CLEC16A: variants seen among roughly 807,000 people sequenced by gnomAD.
CLEC16A encodes C-type lectin domain containing 16A.
In CLEC16A, 51 loss-of-function variants were observed where a neutral mutation model predicts 109.5. That is an observed-to-expected ratio of 0.47 (90% CI 0.37 to 0.59). The LOEUF (loss-of-function observed/expected upper bound fraction) is 0.59. Ranked by LOEUF, CLEC16A falls within the 20% of genes least tolerant of loss-of-function variation. The pLI is 0.00. For synonymous variants in CLEC16A, 673 were observed against 564.2 expected (o/e 1.19, Z -2.73); for missense variants, 1,339 against 1,394.0 (o/e 0.96, Z 0.63).
chr16:11,125,916 AATT>A, intron 21 of CLEC16A, 60 bp from the exon 22 acceptor site: 2 of 168,796 alleles, frequency 1.2e-5, no homozygotes, highest in Admixed American at 6.6e-5. Context: ...CCCCCCCCCA[AATT>A]CTCACCACCC....
intron 21 of CLEC16A, 119 bp from the exon 22 acceptor site, chr16:11,125,860 G>T: frequency 1.0e-6 from 1 of 966,818 alleles, no homozygotes. Context: ...CCCACTTGGC[G>T]TCTCCCAAGT....
intron 19 of CLEC16A, among the ~76,000 whole-genome samples, chr16:11,099,206 G>A (rs965022317): frequency 6.6e-6 from 1 of 152,226 alleles, no homozygotes; most frequent in African/African-American, 2.4e-5. Flanking sequence ...GCCAGGACAG[G>A]TCATTCTCAT....
rs150708037 is a variant in CLEC16A at position 11,073,963 on chromosome 16, T to C, written c.2116+12941T>C. Among the ~76,000 whole-genome samples the C allele has an allele frequency of 4.6e-4, 70 of 152,354 alleles. 1 individual carries two copies. In the East Asian group the frequency reaches 7.7e-3, roughly 17 times the overall value. On this transcript the variant is annotated intron_variant, in intron 19 of 23. Coordinates refer to ENST00000409790, the MANE Select transcript of CLEC16A (RefSeq NM_015226.3). ...TTGTGAGTTAGAAAAATGATGTTTG[T>C]TCATCATTAACATACATTTGAATAG...
At chr16:11,164,701 C>G (rs1166031993) in intron 22 of CLEC16A, among the ~76,000 whole-genome samples, 1 of 152,222 alleles carries the variant, frequency 6.6e-6, no homozygotes, top group East Asian at 1.9e-4. Flanking sequence ...TGCCGCTGAT[C>G]GAGAAAGCAG....
chr16:11,044,237 C>T, intron 16 of CLEC16A, 165 bp downstream of exon 16: 1 of 496,420 alleles, frequency 2.0e-6, no homozygotes, highest in Non-Finnish European at 3.2e-6. Flanking sequence ...GTAGCAATAT[C>T]TAAACTTTTC....
chr16:11,030,975 G>C (rs188055644), intron 13 of CLEC16A, among the ~76,000 whole-genome samples: 1 of 152,204 alleles, frequency 6.6e-6, no homozygotes, highest in African/African-American at 2.4e-5. Flanking sequence ...CCAAGTCTGT[G>C]GCATGTCTTT....
intron 19 of CLEC16A, among the ~76,000 whole-genome samples, chr16:11,073,640 C>G (rs2152929381): frequency 6.6e-6 from 1 of 152,340 alleles, no homozygotes; most frequent in South Asian, 2.1e-4. Context: ...AGTGCCCAGG[C>G]TGCTCACAGG....
In CLEC16A at chr16:11,039,806, C is replaced by T. The variant is rs1436498702; in HGVS notation, c.1590C>T (p.Ala530=). ...TCCAGCTCCCCGTGCCAAATGCGGC[C>T]GAGAAGACCACCTACAACCACCCGC... The part of the protein sequence containing the change: ...ERIQLPVPNA[A]EKTTYNHPLA... The change falls in exon 14 of 24, where the codon GCC becomes GCT. Residue 530 remains alanine, a synonymous_variant. Transcript: ENST00000409790. The T allele has an allele frequency of 8.7e-6, 14 of 1,610,334 alleles. No individual in the cohort carries two copies. The highest frequency in any genetic ancestry group is 1.7e-5 in the Admixed American group (1 of 59,526).
In CLEC16A at chr16:10,995,920, T is replaced by C. The variant is rs547143270; in HGVS notation, c.1072-7154T>C. 5.9e-5 allele frequency among the ~76,000 whole-genome samples: 9 copies of C among 152,338 alleles called. 1 individual carries two copies. In the South Asian group the frequency reaches 1.9e-3, roughly 32 times the overall value. ...TGAGTAGGCTCGGCCTAGGAGAGCC[T>C]GGAAGGGTCTTCTTAGCTTGATTAT... On this transcript the variant is annotated intron_variant, in intron 10 of 23. Transcript: ENST00000409790.
intron 19 of CLEC16A, among the ~76,000 whole-genome samples, chr16:11,110,881 G>T (rs1387487020): frequency 1.4e-4 from 21 of 152,218 alleles, no homozygotes; most frequent in Admixed American, 1.4e-3. Flanking sequence ...TAAAGCTCAA[G>T]TTGCCGTGAT....
chr16:11,166,754 A>G (rs2068281466), intron 23 of CLEC16A, among the ~76,000 whole-genome samples: 1 of 152,168 alleles, frequency 6.6e-6, no homozygotes, highest in African/African-American at 2.4e-5. Context: ...CAGATGGGGA[A>G]GAATTGCTCC....
At position 11,003,099 on chromosome 16, in the gene CLEC16A, T is replaced by C. The variant is rs1442495667; in HGVS notation, c.1097T>C (p.Ile366Thr). 6.2e-7 allele frequency: 1 copy of C among 1,610,442 alleles called. No individual in the cohort carries two copies. ...GCCAAGCCCAGCATTCGGTGCTTCA[T>C]TAAACCCACCGAGACACTCGAGCGG... ...SSAKPSIRCFIKPTETLERSL... is the reference protein window; with the variant it reads ...SSAKPSIRCFTKPTETLERSL... The change falls in exon 11 of 24, where the codon ATT becomes ACT. Residue 366 changes from isoleucine (I) to threonine (T), a missense_variant. Physicochemically the swap from Ile to Thr is moderately conservative, Grantham distance 89. Coordinates refer to ENST00000409790, the MANE Select transcript of CLEC16A (RefSeq NM_015226.3).
In CLEC16A at chr16:11,181,683, C is replaced by T. The variant is rs200994470; in HGVS notation, c.*2993C>T. The T allele has an allele frequency of 5.3e-5, 8 of 152,314 alleles. No individual in the cohort carries two copies. Among genetic ancestry groups the T allele is most frequent in the Admixed American group, 2.0e-4 (3 of 15,290 alleles). 9.4% of individuals were successfully genotyped at this position (152,314 alleles called of 1,614,324 possible). On this transcript the variant is annotated 3_prime_UTR_variant, in exon 24 of 24. Transcript: ENST00000409790. Reference sequence around the variant, plus strand: ...GCGTGGGATTGGGAGGAGGGGCCTCCGTGAGCAGCCCCTCCTCTGCCGCTG... The same window carrying T: ...GCGTGGGATTGGGAGGAGGGGCCTCTGTGAGCAGCCCCTCCTCTGCCGCTG...
At position 10,970,798 on chromosome 16, in the gene CLEC16A, G is replaced by T. The variant is rs148810277; in HGVS notation, c.493-327G>T. 2.6e-5 allele frequency among the ~76,000 whole-genome samples: 4 copies of T among 152,188 alleles called. No homozygotes were observed. The East Asian group carries it at 5.8e-4, about 22-fold the overall frequency. On this transcript the variant is annotated intron_variant, in intron 4 of 23. Coordinates refer to ENST00000409790, the MANE Select transcript of CLEC16A (RefSeq NM_015226.3). ...GTCTTGCTCTGTTGCCCAGCCTGGC[G>T]TGCAGTGGCACGATCACATCTCACT...
At chr16:11,082,811 A>T (rs16958028) in intron 19 of CLEC16A, among the ~76,000 whole-genome samples, 14,715 of 152,086 alleles carry the variant, frequency 0.097, 697 homozygotes, top group East Asian at 0.12. Context: ...GCAAATCTGT[A>T]CCCTAGTTTT....
Position 11,104,703 on chromosome 16 carries a change from A to G in CLEC16A, c.2117-15912A>G, listed in dbSNP as rs142130280. 5.8e-4 allele frequency among the ~76,000 whole-genome samples: 89 copies of G among 152,318 alleles called. 3 individuals carry two copies. In the South Asian group the frequency reaches 0.017, roughly 29 times the overall value. On this transcript the variant is annotated intron_variant, in intron 19 of 23. Transcript: ENST00000409790. ...CTGCACCCCAGCTTACTTGTTCCCAACAGCATTCCTACAAAGTAGGGGTGT... is the reference window on the plus strand; with the variant it reads ...CTGCACCCCAGCTTACTTGTTCCCAGCAGCATTCCTACAAAGTAGGGGTGT...
At chr16:11,003,009 C>G (rs1215078159) in intron 10 of CLEC16A, 65 bp from the exon 11 acceptor site, 3 of 1,359,976 alleles carry the variant, frequency 2.2e-6, no homozygotes, top group African/African-American at 1.5e-5. Context: ...TTTTGGGCAA[C>G]TTGATAGCAT....
intron 19 of CLEC16A, among the ~76,000 whole-genome samples, chr16:11,082,011 G>A (rs1027527210): frequency 6.6e-6 from 1 of 152,120 alleles, no homozygotes; most frequent in African/African-American, 2.4e-5. Context: ...CAGCCTGGGC[G>A]ACAGAGTGAG....
At chr16:11,049,690 T>C in intron 17 of CLEC16A, among the ~76,000 whole-genome samples, 1 of 152,346 alleles carries the variant, frequency 6.6e-6, no homozygotes, top group African/African-American at 2.4e-5. Context: ...CCATGACTTG[T>C]GACCTTTCCT....
Sources: gnomAD v4.1 joint callset for allele counts (sites outside exome capture counted in the v4.1 genomes callset) on GRCh38, gnomAD v4.1.1 for gene constraint, MANE v1.5 for transcripts, NCBI Gene and HGNC (gene_info 2026-07-23, HGNC 2026-07-21) for gene names.